Variants in CCT3 observed in about 807,000 individuals in gnomAD.
CCT3 encodes chaperonin containing TCP1 subunit 3, also known as T-complex protein 1 subunit gamma.
CCT3 carries 10 observed loss-of-function variants against 65.3 expected under a neutral mutation model. The observed-to-expected ratio is 0.15, with a 90% CI of 0.09 to 0.26. CCT3 has a LOEUF of 0.26. Among genes scored for constraint, CCT3 ranks in the 10% least tolerant of loss-of-function variants. The pLI, the probability that CCT3 is intolerant of heterozygous loss-of-function variation, is 1.00. For missense variants in CCT3, 626 were observed against 708.7 expected (o/e 0.88, Z 1.33); for synonymous variants, 225 against 242.3 (o/e 0.93, Z 0.66).
rs1218791570 is a variant in CCT3 at position 156,324,952 on chromosome 1, A to G, written c.422+20T>C. On this transcript the variant is annotated intron_variant, in intron 6 of 13. Transcript: ENST00000295688. ...AGGCCTCTCATATTTGATACTACCT[A>G]TTTCTTGCCCCCAAGATACCTTATT... 2 of 1,514,140 alleles carry G rather than the reference A, an allele frequency of 1.3e-6. No individual in the cohort carries two copies. The highest frequency in any genetic ancestry group is 2.7e-5 in the African/African-American group (2 of 73,040). The allele number at this position is 1,514,140 out of a possible 1,614,324, so 93.8% of individuals were successfully genotyped here. A position where few individuals can be genotyped will look rare whatever the true frequency, so the allele number is the denominator to read the frequency against.
At position 156,317,150 on chromosome 1, in the gene CCT3, T is replaced by G; in HGVS notation, c.974+16A>C. ...CACACGGGAAGAAAAGTCTTGTTTT[T>G]ACCTGGCCTACTCACCTAGCAATGC... On this transcript the variant is annotated intron_variant, in intron 10 of 13. Coordinates refer to ENST00000295688, the MANE Select transcript of CCT3 (RefSeq NM_005998.5). 1.2e-6 allele frequency: 2 copies of G among 1,609,580 alleles called. No individual in the cohort carries two copies. Among genetic ancestry groups the G allele is most frequent in the Non-Finnish European group, 1.7e-6 (2 of 1,175,858 alleles).
At chr1:156,330,792 T>A (rs1030385310) in intron 5 of CCT3, among the ~76,000 whole-genome samples, 1 of 151,480 alleles carries the variant, frequency 6.6e-6, no homozygotes, top group Admixed American at 6.6e-5. Context: ...CGGGCACCTG[T>A]AATCCCAGCT....
At chr1:156,318,782 G>A in intron 8 of CCT3, 86 bp downstream of exon 8, 1 of 1,336,714 alleles carries the variant, frequency 7.5e-7, no homozygotes. Context: ...CAGAAGGCAT[G>A]CAATAAACAT....
At chr1:156,310,855 T>C (rs1456530020) in intron 12 of CCT3, 95 bp downstream of exon 12, 6 of 1,499,646 alleles carry the variant, frequency 4.0e-6, no homozygotes, top group East Asian at 2.3e-5. Flanking sequence ...GAATAGACTA[T>C]AAAGAGAATT....
chr1:156,323,763 C>T (rs1308441910), intron 6 of CCT3, among the ~76,000 whole-genome samples: 1 of 150,760 alleles, frequency 6.6e-6, no homozygotes, highest in Admixed American at 6.6e-5. Flanking sequence ...CCGCACCCAG[C>T]CCTATTTTTA....
At chr1:156,321,345 T>C (rs1256423110) in intron 6 of CCT3, among the ~76,000 whole-genome samples, 1 of 152,176 alleles carries the variant, frequency 6.6e-6, no homozygotes. Context: ...ACAACTCAGG[T>C]CAAGACACAT....
chr1:156,336,078 A>G (rs553956038), intron 1 of CCT3, 190 bp from the exon 2 acceptor site: 7 of 481,808 alleles, frequency 1.5e-5, no homozygotes, highest in Non-Finnish European at 2.6e-5. Context: ...AACTGTAAAC[A>G]TATGTCCTTA....
At position 156,310,955 on chromosome 1, in the gene CCT3, G is replaced by C. The variant is rs769299600; in HGVS notation, c.1396C>G (p.Leu466Val). The C allele has an allele frequency of 6.2e-7, 1 of 1,613,744 alleles. No individual in the cohort carries two copies. Among genetic ancestry groups the C allele is most frequent in the South Asian group, 1.1e-5 (1 of 91,054 alleles). The part of the protein sequence containing the change: ...GASTIRLLTS[L>V]RAKHTQENCE... ...AAGCTTGGAGAGGAACTCACCCGAA[G>C]GGAGGTAAGTAGACGGATGGTGCTG... Residue 466 changes from leucine to valine, a missense_variant, in exon 12 of 14, where the codon CTT (leucine) becomes GTT (valine). By Grantham distance (32) the Leu-to-Val change is conservative. Transcript: ENST00000295688.
intron 6 of CCT3, among the ~76,000 whole-genome samples, chr1:156,324,224 T>C (rs2101653009): frequency 6.6e-6 from 1 of 151,232 alleles, no homozygotes; most frequent in Non-Finnish European, 1.5e-5. Flanking sequence ...CCTGCCACCA[T>C]GCCCAGCTAA....
At chr1:156,311,434 T>C (rs1369475529) in intron 11 of CCT3, among the ~76,000 whole-genome samples, 4 of 152,200 alleles carry the variant, frequency 2.6e-5, no homozygotes, top group Non-Finnish European at 2.9e-5. Flanking sequence ...CACCCAACCA[T>C]AAAGTTAGGT....
rs768448553 is a variant in CCT3, at chr1:156,312,067, G to A, written c.1129C>T (p.Arg377Trp). The stretch of plus-strand genomic sequence containing the variant: ...GAGAGAATCTCTTTGCTAGCCCCCC[G>A]GAGGAGAATGGTGCAGGCCTTGGGG... ...KDPKACTILL[R>W]GASKEILSEV... The change falls in exon 11 of 14, where the codon CGG becomes TGG. Residue 377 changes from arginine (R) to tryptophan (W), a missense_variant. By Grantham distance (101) the Arg-to-Trp change is moderately radical. Transcript: ENST00000295688. 20 of 1,607,764 alleles carry A rather than the reference G, an allele frequency of 1.2e-5. No individual in the cohort carries two copies. Among genetic ancestry groups the A allele is most frequent in the South Asian group, 5.5e-5 (5 of 90,178 alleles).
chr1:156,318,808 T>G, intron 8 of CCT3, 60 bp downstream of exon 8: 2 of 1,542,758 alleles, frequency 1.3e-6, no homozygotes. Flanking sequence ...TTATTTCTGT[T>G]GTTCATATTT....
At chr1:156,334,154 G>A (rs1665228564) in intron 4 of CCT3, among the ~76,000 whole-genome samples, 1 of 151,130 alleles carries the variant, frequency 6.6e-6, no homozygotes, top group Admixed American at 6.6e-5. Context: ...CAGAAGAATT[G>A]CTTGAACCCA....
intron 9 of CCT3, 45 bp downstream of exon 9, chr1:156,317,370 C>A: frequency 6.2e-7 from 1 of 1,601,500 alleles, no homozygotes; most frequent in South Asian, 1.1e-5. Context: ...ATCACCCACC[C>A]TCGTCTACCT....
At chr1:156,319,280 T>TA (rs1312439065) in intron 7 of CCT3, among the ~76,000 whole-genome samples, 1 of 84,716 alleles carries the variant, frequency 1.2e-5, no homozygotes, top group Non-Finnish European at 3.0e-5. Context: ...ACCCGGCTAA[T>TA]TTTTTTTTTT....
In CCT3 at chr1:156,311,208, A is replaced by C. The variant is rs1207707314; in HGVS notation, c.1156-13T>G. 5 of 1,612,494 alleles carry C rather than the reference A, an allele frequency of 3.1e-6. No homozygotes were observed. The African/African-American group carries it at 6.7e-5, about 22-fold the overall frequency. ...TGCGTTCTACTTCCTTGGAGAAGCA[A>C]ACAGACAGTATGAAGCCAAAGCTTG... is the stretch of plus-strand genomic sequence containing the variant. On this transcript the variant is annotated splice_polypyrimidine_tract_variant and intron_variant, in intron 11 of 13. Transcript: ENST00000295688.
chr1:156,326,674 A>AG (rs1664825353), intron 5 of CCT3, among the ~76,000 whole-genome samples: 1 of 46,422 alleles, frequency 2.2e-5, no homozygotes, highest in Non-Finnish European at 6.0e-5. Flanking sequence ...AAAGAAAAAG[A>AG]AAAAAAAAAG....
In CCT3 at chr1:156,317,486, T is replaced by C; in HGVS notation, c.821A>G (p.Tyr274Cys). 6.2e-7 allele frequency: 1 copy of C among 1,613,920 alleles called. No homozygotes were observed. Among genetic ancestry groups the C allele is most frequent in the Non-Finnish European group, 8.5e-7 (1 of 1,179,798 alleles). Residue 274 changes from tyrosine (Y) to cysteine (C), a missense_variant, in exon 9 of 14, where the codon TAC becomes TGC. By Grantham distance (194) the Tyr-to-Cys change is radical. Transcript: ENST00000295688. ...FTRILQMEEE[Y>C]IQQLCEDIIQ... ...AATGTCCTCACAGAGCTGCTGGATG[T>C]ACTCTTCCTCCATCTGGAGAATTCG...
At chr1:156,335,419 C>G (rs1314181531) in intron 2 of CCT3, 2 of 190,546 alleles carry the variant, frequency 1.0e-5, no homozygotes, top group Non-Finnish European at 2.2e-5. Context: ...GGCCTCTACA[C>G]CATCCTAAAT....
Sources: gnomAD v4.1 joint callset for allele counts (sites outside exome capture counted in the v4.1 genomes callset) on GRCh38, gnomAD v4.1.1 for gene constraint, MANE v1.5 for transcripts, NCBI Gene and HGNC (gene_info 2026-07-23, HGNC 2026-07-21) for gene names.